METTL8: variants seen among roughly 807,000 people sequenced by gnomAD.
METTL8 encodes methyltransferase 8, tRNA N3-cytidine, also known as tRNA N(3)-cytidine methyltransferase METTL8, mitochondrial.
A neutral mutation model predicts 48.7 loss-of-function variants in METTL8; 32 were observed. The ratio of observed to expected loss-of-function variants is 0.66; its 90% CI spans 0.50 to 0.88. METTL8 has a LOEUF of 0.88. Among genes scored for constraint, METTL8 ranks in the 40% least tolerant of loss-of-function variants. The pLI, the probability that METTL8 is intolerant of heterozygous loss-of-function variation, is 0.00. For missense variants in METTL8, 464 were observed against 474.4 expected, an observed-to-expected ratio of 0.98 and a Z score of 0.20; for synonymous variants, 136 against 157.1, an observed-to-expected ratio of 0.87 and a Z score of 1.01.
chr2:171,399,891 C>A (rs1435193803), intron 1 of METTL8, among the ~76,000 whole-genome samples: 2 of 152,024 alleles, frequency 1.3e-5, no homozygotes, highest in Non-Finnish European at 2.9e-5. Flanking sequence ...GTAATCCCAG[C>A]ACTTTTGGAG....
chr2:171,325,046 G>A (rs749710498), intron 9 of METTL8, among the ~76,000 whole-genome samples: 3 of 151,088 alleles, frequency 2.0e-5, no homozygotes, highest in African/African-American at 4.9e-5. Flanking sequence ...CGTTTGAACC[G>A]GCGAGGTGGA....
chr2:171,346,471 T>C (rs1687275635), intron 3 of METTL8, among the ~76,000 whole-genome samples: 1 of 152,048 alleles, frequency 6.6e-6, no homozygotes, highest in Non-Finnish European at 1.5e-5. Flanking sequence ...AGACAATATG[T>C]GAGAAATGGG....
At chr2:171,364,213 G>GT in intron 2 of METTL8, among the ~76,000 whole-genome samples, 1 of 152,264 alleles carries the variant, frequency 6.6e-6, no homozygotes, top group African/African-American at 2.4e-5. Flanking sequence ...TTGAATAGGA[G>GT]TAAGAACAAA....
At chr2:171,388,567 G>T (rs60087352) in intron 2 of METTL8, among the ~76,000 whole-genome samples, 6,920 of 152,040 alleles carry the variant, frequency 0.046, 519 homozygotes, top group African/African-American at 0.15. Flanking sequence ...CCTATTCAAA[G>T]CATTAATTCA....
intron 1 of METTL8, among the ~76,000 whole-genome samples, chr2:171,406,500 C>A (rs1336228666): frequency 1.3e-5 from 2 of 152,172 alleles, no homozygotes; most frequent in Non-Finnish European, 2.9e-5. Flanking sequence ...TTGTAGACAG[C>A]CACCTTCTCA....
chr2:171,434,622 C>T (rs1574300588), upstream of METTL8: 2 of 1,531,598 alleles, frequency 1.3e-6, no homozygotes, highest in Non-Finnish European at 8.7e-7. Flanking sequence ...GGCTGAGTCG[C>T]CGGGCGCTGG....
intron 1 of METTL8, among the ~76,000 whole-genome samples, chr2:171,423,928 G>A (rs1228530250): frequency 6.6e-6 from 1 of 152,182 alleles, no homozygotes; most frequent in Non-Finnish European, 1.5e-5. Context: ...CCCATCACAG[G>A]CCTAGAGGCC....
intron 1 of METTL8, among the ~76,000 whole-genome samples, chr2:171,428,672 A>G (rs1243185407): frequency 6.6e-6 from 1 of 152,166 alleles, no homozygotes. Context: ...CAGACAAATG[A>G]CAATTCTAGT....
chr2:171,414,079 A>G (rs1326525184), intron 1 of METTL8, among the ~76,000 whole-genome samples: 1 of 152,138 alleles, frequency 6.6e-6, no homozygotes, highest in Non-Finnish European at 1.5e-5. Context: ...AAGACTGACT[A>G]AATTATTGTA....
chr2:171,392,085 C>T lies in METTL8; in HGVS notation c.101G>A (p.Arg34Lys). The change falls in exon 2 of 10, where the codon AGG (arginine) becomes AAG (lysine). Residue 34 changes from arginine (R) to lysine (K), a missense_variant. By Grantham distance (26) the Arg-to-Lys change is conservative (BLOSUM62 2). Coordinates refer to ENST00000375258, the MANE Select transcript of METTL8 (RefSeq NM_001321154.2). ...GYHPVAPLGS[R>K]ILTDPAKVFE... ...AACTTTGGCTGGGTCAGTTAAAATC[C>T]TTGATCCCAGAGGGGCCACTGGGTG... 6.4e-7 allele frequency: 1 copy of T among 1,551,616 alleles called. No homozygotes were observed. The highest frequency in any genetic ancestry group is 8.7e-7 in the Non-Finnish European group (1 of 1,146,932).
At chr2:171,409,399 A>G (rs1396141035) in intron 1 of METTL8, among the ~76,000 whole-genome samples, 1 of 152,152 alleles carries the variant, frequency 6.6e-6, no homozygotes, top group African/African-American at 2.4e-5. Context: ...CCCACAAAAT[A>G]AAATTAATAA....
Position 171,321,230 on chromosome 2 carries a change from C to T in METTL8, c.*2942G>A, listed in dbSNP as rs532931407. Reference sequence around the variant, plus strand: ...TCCCTCCCCTGGTGTTTTTTGACAGCAGTGTCTTGATTTTCCTTTGAAGAA... The same window carrying T: ...TCCCTCCCCTGGTGTTTTTTGACAGTAGTGTCTTGATTTTCCTTTGAAGAA... On this transcript the variant is annotated 3_prime_UTR_variant, in exon 10 of 10. Transcript: ENST00000375258. 30 of 152,324 alleles carry T rather than the reference C, an allele frequency of 2.0e-4. No homozygotes were observed. The highest frequency in any genetic ancestry group is 2.8e-4 in the Non-Finnish European group (19 of 68,070). The allele number at this position is 152,324 out of a possible 1,614,324, so 9.4% of individuals were successfully genotyped here. A position where few individuals can be genotyped will look rare whatever the true frequency, so the allele number is the denominator to read the frequency against.
chr2:171,408,903 T>C (rs975686138), intron 1 of METTL8, among the ~76,000 whole-genome samples: 1 of 152,202 alleles, frequency 6.6e-6, no homozygotes, highest in African/African-American at 2.4e-5. Context: ...GCGTGGTAAG[T>C]GTTCAATCAG....
chr2:171,381,726 G>A (rs1273787905), intron 2 of METTL8, among the ~76,000 whole-genome samples: 10 of 151,092 alleles, frequency 6.6e-5, no homozygotes, highest in South Asian at 2.1e-4. Context: ...TCGGAATGGC[G>A]AGTATTAAAA....
chr2:171,428,493 TAA>T (rs113979366), intron 1 of METTL8, among the ~76,000 whole-genome samples: 2 of 142,282 alleles, frequency 1.4e-5, no homozygotes, highest in Admixed American at 7.0e-5. Flanking sequence ...CAAATAAAGT[TAA>T]AAAAAAAAAA....
chr2:171,397,376 A>C (rs1436942436), intron 1 of METTL8, among the ~76,000 whole-genome samples: 1 of 147,422 alleles, frequency 6.8e-6, no homozygotes, highest in African/African-American at 2.5e-5. Context: ...AAAAAAAAAA[A>C]AAACAACATC....
In METTL8 at chr2:171,365,524, G is replaced by A. The variant is rs538607494; in HGVS notation, c.144-5011C>T. ...TCTGATGCTCTGGTCCCCTGGACCC[G>A]CCTTTTAAACTCTTATTCAGTTTCT... is the stretch of plus-strand genomic sequence containing the variant. On this transcript the variant is annotated intron_variant, in intron 2 of 9. Coordinates refer to ENST00000375258, the MANE Select transcript of METTL8 (RefSeq NM_001321154.2). Among the ~76,000 whole-genome samples the A allele has an allele frequency of 1.4e-3, 209 of 152,124 alleles. 2 individuals carry two copies. Among genetic ancestry groups the A allele is most frequent in the Non-Finnish European group, 2.4e-3 (162 of 68,010 alleles).
chr2:171,432,916 C>A (rs936383536), intron 1 of METTL8: 56 of 152,166 alleles, frequency 3.7e-4, no homozygotes, highest in Admixed American at 3.7e-3. Flanking sequence ...AAAACATCAC[C>A]AAACTCCTAA....
chr2:171,330,537 T>C, intron 7 of METTL8, 22 bp downstream of exon 7: 1 of 1,608,466 alleles, frequency 6.2e-7, no homozygotes, highest in South Asian at 1.1e-5. Context: ...CACATCCACT[T>C]TGCCCTTTCG....
Sources: gnomAD v4.1 joint callset for allele counts (sites outside exome capture counted in the v4.1 genomes callset) on GRCh38, gnomAD v4.1.1 for gene constraint, MANE v1.5 for transcripts, NCBI Gene and HGNC (gene_info 2026-07-23, HGNC 2026-07-21) for gene names.